KCNK10: variants seen among roughly 807,000 people sequenced by gnomAD.
KCNK10 encodes potassium channel subfamily K member 10.
Under a neutral mutation model 47.7 loss-of-function variants are expected in KCNK10, and 25 were observed. The ratio of observed to expected loss-of-function variants is 0.52; its 90% CI spans 0.38 to 0.73. The LOEUF is 0.73. KCNK10 is among the 30% of genes least tolerant of loss of function. The probability of loss-of-function intolerance (pLI) is 0.00; values close to 1 mark genes in which losing one functional copy is unlikely to be tolerated. For missense variants in KCNK10, 563 were observed against 714.5 expected, an observed-to-expected ratio of 0.79 and a Z score of 2.42; for synonymous variants, 303 against 285.6, an observed-to-expected ratio of 1.06 and a Z score of -0.61.
chr14:88,281,199 T>G (rs2139772605), intron 1 of KCNK10, among the ~76,000 whole-genome samples: 1 of 152,340 alleles, frequency 6.6e-6, no homozygotes, highest in South Asian at 2.1e-4. Flanking sequence ...CTGTCCCCCA[T>G]TCTTCCACGG....
At chr14:88,235,047 G>T (rs1886261455) in intron 3 of KCNK10, 1 of 456,076 alleles carries the variant, frequency 2.2e-6, no homozygotes, top group Middle Eastern at 3.3e-4. Context: ...TGAAACATAG[G>T]ATAAAGAGGG....
At position 88,263,547 on chromosome 14, in the gene KCNK10, G is replaced by C. The variant is rs371530975; in HGVS notation, c.57C>G (p.Ala19=). 82 of 1,609,360 alleles carry C rather than the reference G, an allele frequency of 5.1e-5. No homozygotes were observed. In the South Asian group the frequency reaches 7.7e-4, roughly 15 times the overall value. ...GGCACACCGGTGCTGCTGCGGGAAC[G>C]GCCACTGAGGAGTCAGGGTGGGGGA... ...RKQVNWDPKV[A]VPAAAPVCQP... is the part of the protein sequence containing the mutation. The change falls in exon 2 of 7, where the codon GCC becomes GCG. Residue 19 remains alanine (A), a synonymous_variant. Transcript: ENST00000319231.
chr14:88,310,070 T>C (rs1296324192), intron 1 of KCNK10, among the ~76,000 whole-genome samples: 1 of 145,554 alleles, frequency 6.9e-6, no homozygotes, highest in Non-Finnish European at 1.5e-5. Flanking sequence ...CCACGGGTAA[T>C]TGGAAATTAG....
intron 1 of KCNK10, among the ~76,000 whole-genome samples, chr14:88,295,788 T>C (rs1887973922): frequency 6.6e-6 from 1 of 152,158 alleles, no homozygotes; most frequent in Non-Finnish European, 1.5e-5. Flanking sequence ...TAATTAAAGT[T>C]GTTCATTAGC....
At chr14:88,267,676 T>A (rs1314882092) in intron 1 of KCNK10, among the ~76,000 whole-genome samples, 1 of 152,202 alleles carries the variant, frequency 6.6e-6, no homozygotes, top group Non-Finnish European at 1.5e-5. Flanking sequence ...CCAGCCAAGT[T>A]GGATAAATTT....
intron 2 of KCNK10, among the ~76,000 whole-genome samples, chr14:88,254,126 TCATGAACAGA>T (rs1253755680): frequency 6.6e-6 from 1 of 152,048 alleles, no homozygotes; most frequent in Non-Finnish European, 1.5e-5. Context: ...AGAAAAACTA[TCATGAACAGA>T]CAGTGACCAT....
At chr14:88,254,547 C>T (rs540146401) in intron 2 of KCNK10, among the ~76,000 whole-genome samples, 4 of 152,252 alleles carry the variant, frequency 2.6e-5, no homozygotes, top group African/African-American at 9.6e-5. Context: ...CCCTGCAAAC[C>T]GAAGCATTCA....
intron 2 of KCNK10, among the ~76,000 whole-genome samples, chr14:88,258,274 C>A (rs1887013425): frequency 6.6e-6 from 1 of 151,008 alleles, no homozygotes; most frequent in South Asian, 2.1e-4. Context: ...AGGTGAGTAA[C>A]TTGCTTATGG....
Position 88,220,632 on chromosome 14 carries a change from G to A in KCNK10, c.681+6743C>T, listed in dbSNP as rs137862287. Among the ~76,000 whole-genome samples the A allele has an allele frequency of 2.3e-3, 350 of 149,022 alleles. 2 individuals are homozygous for A. Among genetic ancestry groups the A allele is most frequent in the South Asian group, 4.2e-3 (20 of 4,720 alleles). On this transcript the variant is annotated intron_variant, in intron 4 of 6. Transcript: ENST00000319231. ...AAAAAAAAAGGTCTTTTCAACAAAT[G>A]GCACAGGAACAACTGAACATACACA...
At chr14:88,192,894 T>C (rs1264446597) in intron 4 of KCNK10, among the ~76,000 whole-genome samples, 1 of 152,128 alleles carries the variant, frequency 6.6e-6, no homozygotes, top group African/African-American at 2.4e-5. Context: ...GGAAAAAAAA[T>C]TATCTGAGTC....
At chr14:88,252,114 C>T (rs1196422871) in intron 2 of KCNK10, among the ~76,000 whole-genome samples, 1 of 151,834 alleles carries the variant, frequency 6.6e-6, no homozygotes, top group African/African-American at 2.4e-5. Context: ...GGGGTTTTGC[C>T]ATGTTGCCCA....
At chr14:88,273,180 A>T (rs1311751115) in intron 1 of KCNK10, among the ~76,000 whole-genome samples, 1 of 152,164 alleles carries the variant, frequency 6.6e-6, no homozygotes, top group Non-Finnish European at 1.5e-5. Context: ...TGCTCAAGGG[A>T]GCAACATTTA....
chr14:88,307,282 A>C (rs1323609360), intron 1 of KCNK10, among the ~76,000 whole-genome samples: 4 of 75,662 alleles, frequency 5.3e-5, no homozygotes, highest in Non-Finnish European at 1.3e-4. Context: ...TATGGATGCC[A>C]CATGAGTGAA....
chr14:88,258,289 T>TC (rs1170016184), intron 2 of KCNK10, among the ~76,000 whole-genome samples: 1 of 148,668 alleles, frequency 6.7e-6, no homozygotes, highest in Non-Finnish European at 1.5e-5. Flanking sequence ...TTATGGTGAG[T>TC]CTTTTTTTTT....
chr14:88,234,875 T>A (rs371350791), intron 3 of KCNK10, among the ~76,000 whole-genome samples: 1 of 152,212 alleles, frequency 6.6e-6, no homozygotes, highest in Admixed American at 6.5e-5. Flanking sequence ...GAAGCGGAGA[T>A]TGGACAGAAG....
intron 4 of KCNK10, among the ~76,000 whole-genome samples, chr14:88,206,182 G>A (rs1033552240): frequency 2.0e-5 from 3 of 152,140 alleles, no homozygotes; most frequent in African/African-American, 7.2e-5. Flanking sequence ...AGTTACATGG[G>A]AGCCCCCTGG....
intron 1 of KCNK10, among the ~76,000 whole-genome samples, chr14:88,286,479 A>G (rs1286248109): frequency 1.3e-5 from 2 of 152,240 alleles, no homozygotes; most frequent in Non-Finnish European, 2.9e-5. Flanking sequence ...AGCATCCTGC[A>G]CACTGACTAA....
chr14:88,279,071 G>T (rs568965746), intron 1 of KCNK10, among the ~76,000 whole-genome samples: 1 of 152,248 alleles, frequency 6.6e-6, no homozygotes, highest in Admixed American at 6.5e-5. Context: ...ATTTCATGGT[G>T]TTCTTTAAGT....
chr14:88,260,512 T>TGGA lies in KCNK10; in HGVS notation c.402+2687_402+2689dup, dbSNP rs1428294930. On this transcript the variant is annotated intron_variant, in intron 2 of 6. Transcript: ENST00000319231. The surrounding 1 kb of genome is among the most constrained non-coding windows in gnomAD (Gnocchi z 4.5). ...CATAAAGCACAAGTTTAAAAGAGAC[T>TGGA]GGAGCTTATTATAAACCAAGATCTA... Among the ~76,000 whole-genome samples the TGGA allele has an allele frequency of 1.3e-5, 2 of 152,216 alleles. No homozygotes were observed. The highest frequency in any genetic ancestry group is 2.9e-5 in the Non-Finnish European group (2 of 68,038).
Sources: allele counts gnomAD v4.1 joint callset (sites outside exome capture counted in the v4.1 genomes callset), GRCh38; gene constraint gnomAD v4.1.1; non-coding constraint Gnocchi (gnomAD v3.1); transcripts MANE v1.5; gene names NCBI Gene and HGNC (gene_info 2026-07-23, HGNC 2026-07-21).